RGS22: variants seen among roughly 807,000 people sequenced by gnomAD.
RGS22 encodes regulator of G protein signaling 22.
A neutral mutation model predicts 172.9 loss-of-function variants in RGS22; 148 were observed. That is an observed-to-expected ratio of 0.86 (90% CI 0.75 to 0.98). RGS22 has a LOEUF of 0.98. Ranked by LOEUF, RGS22 falls within the 50% of genes least tolerant of loss-of-function variation. RGS22 has a pLI of 0.00. For missense variants in RGS22, 1,347 were observed against 1,440.8 expected, an observed-to-expected ratio of 0.93 and a Z score of 1.05; for synonymous variants, 458 against 480.2, an observed-to-expected ratio of 0.95 and a Z score of 0.60.
chr8:100,098,077 C>T (rs1649242373), intron 2 of RGS22, among the ~76,000 whole-genome samples: 1 of 152,168 alleles, frequency 6.6e-6, no homozygotes, highest in African/African-American at 2.4e-5. Context: ...ACGTACCTAT[C>T]TTTTTTCTTC....
chr8:99,981,737 T>C (rs2131206706), intron 22 of RGS22, among the ~76,000 whole-genome samples, 200 bp downstream of exon 22: 1 of 150,708 alleles, frequency 6.6e-6, no homozygotes, highest in Middle Eastern at 3.4e-3. Context: ...TTTTTTTTTT[T>C]TTTTTTAAGA....
Position 99,978,195 on chromosome 8 carries a change from T to C in RGS22, c.3361-120A>G, listed in dbSNP as rs557419158. On this transcript the variant is annotated intron_variant, in intron 22 of 27. Transcript: ENST00000360863. ...TATATACCATGTTTGCTCCAACTTA[T>C]TGTCTCCAGACATCTTGGTATAGTT... 9.4e-6 allele frequency: 5 copies of C among 529,884 alleles called. No homozygotes were observed. The South Asian group carries it at 2.4e-4, about 25-fold the overall frequency. The allele number at this position is 529,884 out of a possible 1,614,324, so 32.8% of individuals were successfully genotyped here. A position where few individuals can be genotyped will look rare whatever the true frequency, so the allele number is the denominator to read the frequency against.
intron 6 of RGS22, among the ~76,000 whole-genome samples, chr8:100,067,297 C>G (rs1292010404): frequency 6.6e-6 from 1 of 152,158 alleles, no homozygotes; most frequent in East Asian, 1.9e-4. Flanking sequence ...TAGTCACCAT[C>G]CCTCTTAGAG....
intron 14 of RGS22, among the ~76,000 whole-genome samples, chr8:100,025,439 A>G (rs575995786): frequency 6.6e-6 from 1 of 152,218 alleles, no homozygotes; most frequent in Non-Finnish European, 1.5e-5. Flanking sequence ...TCCACATTCA[A>G]TCACCAGCCA....
intron 14 of RGS22, among the ~76,000 whole-genome samples, chr8:100,028,131 G>C (rs935221282): frequency 1.3e-5 from 2 of 152,042 alleles, no homozygotes; most frequent in African/African-American, 4.8e-5. Flanking sequence ...TCTGTGCCTT[G>C]TGGGTCTTAT....
intron 18 of RGS22, 140 bp from the exon 19 acceptor site, chr8:99,999,560 G>A (rs1588942842): frequency 1.4e-6 from 1 of 738,114 alleles, no homozygotes; most frequent in Non-Finnish European, 2.2e-6. Flanking sequence ...AACATCTCCT[G>A]GCTATACTGA....
rs748359793 is a variant in RGS22, at chr8:100,052,957, T to C, written c.1534A>G (p.Thr512Ala). The change falls in exon 10 of 28, where the codon ACT (threonine) becomes GCT (alanine). Residue 512 changes from threonine (T) to alanine (A), a missense_variant. Thr to Ala is a moderately conservative substitution (Grantham distance 58). Transcript: ENST00000360863. ...GCATATTTTGTTGAGGCTGAATGAG[T>C]AACACAGAATCTTGGTGCCCTGTTT... is the stretch of plus-strand genomic sequence containing the variant. Reference protein sequence around the residue: ...LLYWAPRFCVTHSASTKYASA... With the variant: ...LLYWAPRFCVAHSASTKYASA... 1.7e-5 allele frequency: 28 copies of C among 1,613,890 alleles called. No individual in the cohort carries two copies. Among genetic ancestry groups the C allele is most frequent in the Non-Finnish European group, 2.3e-5 (27 of 1,179,880 alleles).
intron 14 of RGS22, 91 bp downstream of exon 14, chr8:100,038,840 G>T: frequency 1.6e-6 from 1 of 622,376 alleles, no homozygotes; most frequent in Non-Finnish European, 2.6e-6. Context: ...TTTTGCCTGC[G>T]ATCCCAGATT....
chr8:100,052,543 C>T (rs1034787725), intron 10 of RGS22, among the ~76,000 whole-genome samples: 2 of 151,860 alleles, frequency 1.3e-5, no homozygotes, highest in East Asian at 1.9e-4. Flanking sequence ...CCTCGTGATC[C>T]GCCTGCCTCG....
intron 20 of RGS22, among the ~76,000 whole-genome samples, chr8:99,995,890 A>T (rs1814307438): frequency 1.3e-5 from 2 of 152,242 alleles, no homozygotes; most frequent in Admixed American, 1.3e-4. Flanking sequence ...GACTGGATTA[A>T]GAAAATGTGG....
At chr8:100,056,742 C>T (rs928759306) in intron 9 of RGS22, among the ~76,000 whole-genome samples, 17 of 152,132 alleles carry the variant, frequency 1.1e-4, no homozygotes, top group South Asian at 6.2e-4. Context: ...AGAGTATGTA[C>T]GGAAACTCCT....
chr8:100,038,674 G>A (rs114246744), intron 14 of RGS22: 231 of 303,258 alleles, frequency 7.6e-4, no homozygotes, highest in African/African-American at 4.4e-3. Context: ...AAAAGAGAGA[G>A]AGATGTTCTT....
At chr8:99,973,877 A>C (rs1211379687) in intron 23 of RGS22, among the ~76,000 whole-genome samples, 4 of 151,722 alleles carry the variant, frequency 2.6e-5, no homozygotes, top group Admixed American at 6.6e-5. Flanking sequence ...TCAAAAAAAA[A>C]AAAAACAAAA....
chr8:100,065,368 T>G (rs1205846590), intron 7 of RGS22, among the ~76,000 whole-genome samples: 2 of 152,188 alleles, frequency 1.3e-5, no homozygotes, highest in African/African-American at 4.8e-5. Context: ...ACTTCAATAT[T>G]TTGGGAAAAC....
At chr8:100,077,299 T>A (rs1366422099) in intron 4 of RGS22, among the ~76,000 whole-genome samples, 1 of 152,194 alleles carries the variant, frequency 6.6e-6, no homozygotes, top group East Asian at 1.9e-4. Context: ...TAATTTTAAC[T>A]TAATTTTTCT....
chr8:100,063,474 A>T lies in RGS22; in HGVS notation c.1294T>A (p.Trp432Arg). 1 of 1,613,156 alleles carries T rather than the reference A, an allele frequency of 6.2e-7. No individual in the cohort carries two copies. The highest frequency in any genetic ancestry group is 1.1e-5 in the South Asian group (1 of 90,978). The change falls in exon 8 of 28, where the codon TGG becomes AGG. Residue 432 changes from tryptophan to arginine, a missense_variant. Coordinates refer to ENST00000360863, the MANE Select transcript of RGS22 (RefSeq NM_015668.5). ...IKGTLGERYW[W>R]LWMDIERLKV... is the part of the protein sequence containing the mutation. ...AACCTCTCAATATCCATCCATAGCC[A>T]CCAATATCTCTCTCCCAATGTACCT...
intron 21 of RGS22, among the ~76,000 whole-genome samples, chr8:99,983,093 T>C (rs868257778): frequency 4.6e-5 from 7 of 152,312 alleles, no homozygotes; most frequent in Non-Finnish European, 7.3e-5. Flanking sequence ...TCTCTTAGGA[T>C]AATGGCCTCC....
At chr8:99,969,625 A>C (rs1811118316) in intron 23 of RGS22, among the ~76,000 whole-genome samples, 1 of 152,188 alleles carries the variant, frequency 6.6e-6, no homozygotes, top group African/African-American at 2.4e-5. Context: ...AGATCAAAAA[A>C]GACAAAGAAG....
At position 100,063,866 on chromosome 8, in the gene RGS22, A is replaced by G. The variant is rs760698210; in HGVS notation, c.902T>C (p.Val301Ala). 1.6e-5 allele frequency: 25 copies of G among 1,611,866 alleles called. No individual in the cohort carries two copies. Among genetic ancestry groups the G allele is most frequent in the Non-Finnish European group, 2.0e-5 (24 of 1,179,146 alleles). ...LRVYLEKKQD[V>A]DESLTMHFST... The stretch of plus-strand genomic sequence containing the variant: ...GAAATGCATTGTCAGGCTTTCATCA[A>G]CATCCTGTTTCTTTTCAAGGTATAC... The change falls in exon 8 of 28, where the codon GTT becomes GCT. Residue 301 changes from valine (V) to alanine (A), a missense_variant. By Grantham distance (64) the Val-to-Ala change is moderately conservative. Transcript: ENST00000360863.
Sources: gnomAD v4.1 joint callset for allele counts (sites outside exome capture counted in the v4.1 genomes callset) on GRCh38, gnomAD v4.1.1 for gene constraint, MANE v1.5 for transcripts, NCBI Gene and HGNC (gene_info 2026-07-23, HGNC 2026-07-21) for gene names.